Variants in MYL5 observed in about 807,000 individuals in gnomAD.
MYL5 encodes the protein myosin regulatory light chain 5.
MYL5 carries 28 observed loss-of-function variants against 20.8 expected under a neutral mutation model. The ratio of observed to expected loss-of-function variants is 1.35; its 90% CI spans 1.00 to 1.84. MYL5 has a LOEUF of 1.84. MYL5 is among the 40% of genes most tolerant of loss of function. The probability of loss-of-function intolerance (pLI) is 0.00; values close to 1 mark genes in which losing one functional copy is unlikely to be tolerated. For synonymous variants in MYL5, 118 were observed against 87.4 expected (o/e 1.35, Z -1.95); for missense variants, 274 against 227.3 (o/e 1.21, Z -1.32).
rs962699288 is a variant in MYL5 at position 680,774 on chromosome 4, C to T, written c.371+187C>T. 63 of 670,978 alleles carry T rather than the reference C, an allele frequency of 9.4e-5. No homozygotes were observed. In the African/African-American group the frequency reaches 1.0e-3, roughly 11 times the overall value. 41.6% of individuals were successfully genotyped at this position (670,978 alleles called of 1,614,324 possible). The stretch of plus-strand genomic sequence containing the variant: ...AGGCCAGCCCTGCTCACACAGGGAC[C>T]AGCGCCTGTGCCCGGTGGGGGTGGG... On this transcript the variant is annotated intron_variant, in intron 5 of 6. Transcript: ENST00000400159.
chr4:681,871 G>A lies in MYL5; in HGVS notation c.421-22G>A, dbSNP rs766477242. ...AATTCGCTCCCGGAGCCCGCAAGGAGCCCTTTCGCCCCCGCCCGCAGGTGG... is the reference window on the plus strand; with the variant it reads ...AATTCGCTCCCGGAGCCCGCAAGGAACCCTTTCGCCCCCGCCCGCAGGTGG... On this transcript the variant is annotated intron_variant, in intron 6 of 6. Transcript: ENST00000400159. 6 of 1,310,314 alleles carry A rather than the reference G, an allele frequency of 4.6e-6. No individual in the cohort carries two copies. In the East Asian group the frequency reaches 8.5e-5, roughly 18 times the overall value. The allele number at this position is 1,310,314 out of a possible 1,614,324, so 81.2% of individuals were successfully genotyped here.
exon 4 of MYL5, chr4:679,966 G>A (rs746332201): frequency 1.4e-5 from 22 of 1,613,544 alleles, no homozygotes; most frequent in Middle Eastern, 1.6e-4. Context: ...AAGAGGCCTC[G>A]GGGCCCATCA....
At chr4:680,701 C>A in intron 5 of MYL5, 114 bp downstream of exon 7, 1 of 1,109,670 alleles carries the variant, frequency 9.0e-7, no homozygotes, top group South Asian at 1.4e-5. Flanking sequence ...CCACCTCTGA[C>A]CAGCTTCAGG....
chr4:678,169 T>C, intron 1 of MYL5, 140 bp downstream of exon 3: 2 of 1,540,650 alleles, frequency 1.3e-6, no homozygotes, highest in Non-Finnish European at 8.8e-7. Context: ...TGCCTGCATA[T>C]GTGTGTGCAT....
intron 6 of MYL5, 133 bp downstream of exon 8, chr4:681,273 G>C: frequency 2.8e-6 from 3 of 1,068,010 alleles, no homozygotes; most frequent in Non-Finnish European, 4.0e-6. Flanking sequence ...GCCCCCGGGG[G>C]GCTCCCGAAG....
At chr4:677,694 C>T (rs548151155), upstream of MYL5, among the ~76,000 whole-genome samples, 5 of 152,306 alleles carry the variant, frequency 3.3e-5, no homozygotes, top group East Asian at 7.7e-4. Flanking sequence ...GGCCCCCAGC[C>T]AAGAGCGTGT....
At chr4:676,884 G>C (rs760561582), upstream of MYL5, 9 of 985,352 alleles carry the variant, frequency 9.1e-6, no homozygotes, top group Non-Finnish European at 1.1e-5. Flanking sequence ...TCAACCTCAG[G>C]AGTCAGTGCT....
rs763083371 is a variant in MYL5 at position 681,141 on chromosome 4, G to A, written c.420+1G>A. Reference sequence around the variant, plus strand: ...GGCTGACAAGATGACGGCGGAAGAGGTCTGGCCCGCGGCTTCCCTGCCAAG... The same window carrying A: ...GGCTGACAAGATGACGGCGGAAGAGATCTGGCCCGCGGCTTCCCTGCCAAG... On this transcript the variant is annotated splice_donor_variant, in intron 6 of 6. Transcript: ENST00000400159. LOFTEE classifies it high-confidence loss of function. The A allele has an allele frequency of 7.5e-6, 12 of 1,604,618 alleles. No individual in the cohort carries two copies. Among genetic ancestry groups the A allele is most frequent in the Non-Finnish European group, 1.0e-5 (12 of 1,176,642 alleles).
chr4:681,133 C>T (rs765244059), exon 6 of MYL5: 2 of 1,606,152 alleles, frequency 1.2e-6, no homozygotes, highest in East Asian at 2.2e-5. Context: ...AAGATGACGG[C>T]GGAAGAGGTC....
chr4:679,779 C>CTGTGTGA, intron 3 of MYL5, 135 bp from the exon 6 acceptor site: 1 of 701,456 alleles, frequency 1.4e-6, no homozygotes, highest in Non-Finnish European at 2.5e-6. Flanking sequence ...GCCCCACGTG[C>CTGTGTGA]CTGGGCCAAG....
chr4:680,961 C>A, intron 5 of MYL5, 131 bp from the exon 8 acceptor site: 1 of 1,052,768 alleles, frequency 9.5e-7, no homozygotes, highest in Non-Finnish European at 1.4e-6. Context: ...TGCCCCAGGG[C>A]CACACTCCAG....
At chr4:677,021 G>A (rs374667350), upstream of MYL5, 20 of 765,668 alleles carry the variant, frequency 2.6e-5, no homozygotes, top group African/African-American at 3.8e-4. Context: ...TGTCTTTTTA[G>A]CCTTGCAGAC....
upstream of MYL5, chr4:675,469 C>T (rs1402376998): frequency 2.0e-5 from 3 of 152,428 alleles, no homozygotes; most frequent in Non-Finnish European, 2.9e-5. Flanking sequence ...GCATCACAAA[C>T]TCCAGGACTC....
chr4:677,917 T>G, upstream of MYL5: 4 of 1,580,980 alleles, frequency 2.5e-6, no homozygotes, highest in Non-Finnish European at 3.5e-6. Context: ...AGCCTGTCCT[T>G]GTAGGGAGTG....
upstream of MYL5, chr4:677,839 A>C (rs943977663): frequency 3.3e-6 from 3 of 909,298 alleles, no homozygotes; most frequent in Admixed American, 3.9e-5. Context: ...AGGCAGGGCA[A>C]GGGTGTGAGT....
chr4:675,285 C>G (rs1577323713), upstream of MYL5: 1 of 152,484 alleles, frequency 6.6e-6, no homozygotes, highest in South Asian at 2.1e-4. Flanking sequence ...CCTGGCACCC[C>G]CTCCACGTTC....
upstream of MYL5, chr4:676,916 G>C: frequency 1.0e-6 from 1 of 985,380 alleles, no homozygotes; most frequent in Non-Finnish European, 1.2e-6. Flanking sequence ...GCTGGACCTG[G>C]GGATGGCACC....
upstream of MYL5, chr4:675,730 C>G (rs527444663): frequency 6.6e-6 from 1 of 152,522 alleles, no homozygotes; most frequent in South Asian, 2.1e-4. Context: ...CCGGGCAGCA[C>G]AGGACGAGGT....
intron 5 of MYL5, chr4:680,791 G>C (rs1739391509): frequency 1.5e-6 from 1 of 652,292 alleles, no homozygotes; most frequent in Admixed American, 2.9e-5. Flanking sequence ...TGTGCCCGGT[G>C]GGGGTGGGGC....
Sources: allele counts gnomAD v4.1 joint callset (sites outside exome capture counted in the v4.1 genomes callset), GRCh38; gene constraint gnomAD v4.1.1; transcripts MANE v1.5; gene names NCBI Gene and HGNC (gene_info 2026-07-23, HGNC 2026-07-21).